Variants in UNC13C observed in about 807,000 individuals in gnomAD.
UNC13C encodes protein unc-13 homolog C.
In UNC13C, 174 loss-of-function variants were observed where a neutral mutation model predicts 245.4. The observed-to-expected ratio is 0.71, with a 90% CI of 0.63 to 0.80. The LOEUF is 0.80. UNC13C is among the 30% of genes least tolerant of loss of function. The pLI, the probability that UNC13C is intolerant of heterozygous loss-of-function variation, is 0.00. For synonymous variants in UNC13C, 992 were observed against 895.1 expected (o/e 1.11, Z -1.93); for missense variants, 2,829 against 2,602.9 (o/e 1.09, Z -1.89).
intron 4 of UNC13C, among the ~76,000 whole-genome samples, chr15:54,177,481 A>G (rs148216628): frequency 6.6e-6 from 1 of 152,256 alleles, no homozygotes; most frequent in East Asian, 1.9e-4. Flanking sequence ...GGTAGGCATT[A>G]TATCTCCAGC....
At chr15:53,962,440 A>G in the UNC13C span, among the ~76,000 whole-genome samples, 4 of 152,144 alleles carry the variant, frequency 2.6e-5, no homozygotes, top group African/African-American at 7.2e-5. Context: ...TTTCAAGTAT[A>G]TTATTTGAAA....
Position 54,264,303 on chromosome 15 carries a change from T to A in UNC13C, c.3584T>A (p.Ile1195Asn). 1 of 1,603,906 alleles carries A rather than the reference T, an allele frequency of 6.2e-7. No homozygotes were observed. The highest frequency in any genetic ancestry group is 1.3e-5 in the African/African-American group (1 of 74,832). ...GAAGTAATCCAGGAAATGTTTCAGA[T>A]TTCTAAAGAAGATTTTGTGCAGTTT... ...VFEVIQEMFQ[I>N]SKEDFVQFTK... is the part of the protein sequence containing the mutation. The change falls in exon 9 of 33, where the codon ATT (isoleucine) becomes AAT (asparagine). Residue 1195 changes from isoleucine to asparagine, a missense_variant. By Grantham distance (149) the Ile-to-Asn change is moderately radical. Coordinates refer to ENST00000260323, the MANE Select transcript of UNC13C (RefSeq NM_001080534.3).
intron 25 of UNC13C, among the ~76,000 whole-genome samples, chr15:54,527,217 G>A (rs947597147): frequency 1.3e-4 from 20 of 152,188 alleles, no homozygotes; most frequent in Non-Finnish European, 2.8e-4. Context: ...CAGAGATGTA[G>A]GGTTCATTGG....
intron 17 of UNC13C, among the ~76,000 whole-genome samples, chr15:54,363,172 G>T (rs1437355981): frequency 1.3e-5 from 2 of 152,192 alleles, no homozygotes; most frequent in African/African-American, 4.8e-5. Flanking sequence ...GCAATGGCAC[G>T]ATCTCGGCTC....
chr15:54,114,458 C>G (rs548163729), intron 2 of UNC13C, among the ~76,000 whole-genome samples: 5 of 152,148 alleles, frequency 3.3e-5, no homozygotes, highest in African/African-American at 9.6e-5. Context: ...TGATGCTATA[C>G]CGGTTGATCT....
At chr15:54,426,149 C>G (rs1171449261) in intron 19 of UNC13C, among the ~76,000 whole-genome samples, 1 of 151,624 alleles carries the variant, frequency 6.6e-6, no homozygotes, top group Non-Finnish European at 1.5e-5. Context: ...TTAATTCCAG[C>G]TGAAGCCTTA....
chr15:54,427,686 C>G (rs527407259), intron 19 of UNC13C, among the ~76,000 whole-genome samples: 14 of 151,716 alleles, frequency 9.2e-5, no homozygotes, highest in Non-Finnish European at 1.9e-4. Flanking sequence ...AATAATTAAC[C>G]AAAATACTTT....
chr15:53,977,614 A>T (rs1177196885), upstream of UNC13C, among the ~76,000 whole-genome samples: 1 of 152,106 alleles, frequency 6.6e-6, no homozygotes, highest in Non-Finnish European at 1.5e-5. Flanking sequence ...CCTCCAAATT[A>T]TTTCAGGCCT....
At chr15:54,082,524 C>G (rs1899004657) in intron 2 of UNC13C, among the ~76,000 whole-genome samples, 1 of 152,002 alleles carries the variant, frequency 6.6e-6, no homozygotes, top group Non-Finnish European at 1.5e-5. Context: ...TCTCTTGGAT[C>G]TCATTGAGTT....
chr15:54,151,168 G>T lies in UNC13C; in HGVS notation c.3071+7484G>T, dbSNP rs563143126. 1.1e-3 allele frequency among the ~76,000 whole-genome samples: 170 copies of T among 152,114 alleles called. 3 individuals carry two copies. The South Asian group carries it at 0.035, about 31-fold the overall frequency. On this transcript the variant is annotated intron_variant, in intron 4 of 32. Transcript: ENST00000260323. The stretch of plus-strand genomic sequence containing the variant: ...ACTGTATAAGACTCCCCCATCTTCG[G>T]GTAATATTAGAAAATAGGTCCATCC...
intron 2 of UNC13C, among the ~76,000 whole-genome samples, chr15:54,042,826 C>T (rs1446398668): frequency 1.3e-5 from 2 of 152,000 alleles, no homozygotes; most frequent in East Asian, 1.9e-4. Flanking sequence ...GCACTCCAGC[C>T]TGGGTGACAG....
chr15:53,960,547 A>T, the UNC13C span, among the ~76,000 whole-genome samples: 4 of 152,160 alleles, frequency 2.6e-5, no homozygotes, highest in Non-Finnish European at 4.4e-5. Flanking sequence ...ATTATGACAA[A>T]AATAAAACTT....
chr15:54,581,564 C>G (rs1596610600), intron 30 of UNC13C, among the ~76,000 whole-genome samples: 1 of 152,212 alleles, frequency 6.6e-6, no homozygotes, highest in South Asian at 2.1e-4. Context: ...TTTATAAGGA[C>G]ACTAATCCCA....
intron 2 of UNC13C, among the ~76,000 whole-genome samples, chr15:54,126,655 A>G (rs1245504594): frequency 6.6e-6 from 1 of 152,190 alleles, no homozygotes; most frequent in Non-Finnish European, 1.5e-5. Context: ...ATGGGCAAAG[A>G]CTTCAGGACT....
intron 30 of UNC13C, 103 bp downstream of exon 30, chr15:54,568,050 A>T: frequency 1.1e-6 from 1 of 872,392 alleles, no homozygotes; most frequent in South Asian, 4.3e-5. Flanking sequence ...TGCTGTTGTG[A>T]ATTGAAGTAT....
chr15:54,337,851 T>G (rs545635394), intron 16 of UNC13C, among the ~76,000 whole-genome samples: 1 of 152,338 alleles, frequency 6.6e-6, no homozygotes, highest in Non-Finnish European at 1.5e-5. Context: ...TAGTTTCCCC[T>G]TGTTCTCACC....
chr15:53,858,836 T>C, the UNC13C span, among the ~76,000 whole-genome samples: 1 of 152,336 alleles, frequency 6.6e-6, no homozygotes, highest in East Asian at 1.9e-4. Flanking sequence ...AAGGAGTCAT[T>C]TTAATACTCA....
At chr15:53,996,003 G>A (rs1305408428) in intron 1 of UNC13C, among the ~76,000 whole-genome samples, 1 of 152,090 alleles carries the variant, frequency 6.6e-6, no homozygotes, top group Non-Finnish European at 1.5e-5. Context: ...TTTGTTTTTT[G>A]TTTACAACAT....
Position 54,485,303 on chromosome 15 carries a change from A to G in UNC13C, c.4934-9305A>G, listed in dbSNP as rs145455836. 3.2e-3 allele frequency among the ~76,000 whole-genome samples: 483 copies of G among 152,352 alleles called. 1 individual carries two copies. Among genetic ancestry groups the G allele is most frequent in the African/African-American group, 0.011 (465 of 41,574 alleles). ...ATCTATTCATCCATCTATGGTTCTA[A>G]GCAAACAAGATTGAGCAAGGATACA... On this transcript the variant is annotated intron_variant, in intron 19 of 32. Transcript: ENST00000260323.
Sources: gnomAD v4.1 joint callset for allele counts (sites outside exome capture counted in the v4.1 genomes callset) on GRCh38, gnomAD v4.1.1 for gene constraint, MANE v1.5 for transcripts, NCBI Gene and HGNC (gene_info 2026-07-23, HGNC 2026-07-21) for gene names.